CEP192: variants seen among roughly 807,000 people sequenced by gnomAD.
The protein encoded by CEP192 is centrosomal protein 192, also known as centrosomal protein of 192 kDa.
Under a neutral mutation model 271.8 loss-of-function variants are expected in CEP192, and 151 were observed. The ratio of observed to expected loss-of-function variants is 0.56; its 90% CI spans 0.49 to 0.64. CEP192 has a LOEUF of 0.64. Among genes scored for constraint, CEP192 ranks in the 30% least tolerant of loss-of-function variants. The probability of loss-of-function intolerance (pLI) is 0.00; values close to 1 mark genes in which losing one functional copy is unlikely to be tolerated. For missense variants in CEP192, 2,910 were observed against 3,020.5 expected (o/e 0.96, Z 0.86); for synonymous variants, 995 against 1,076.5 (o/e 0.92, Z 1.48).
At chr18:13,085,189 G>A (rs2144669768) in intron 30 of CEP192, among the ~76,000 whole-genome samples, 1 of 151,992 alleles carries the variant, frequency 6.6e-6, no homozygotes, top group East Asian at 1.9e-4. Context: ...CTGCATAAAT[G>A]TCTTCTTTTG....
At chr18:13,103,897 C>T (rs1190192225) in intron 39 of CEP192, 1 of 470,392 alleles carries the variant, frequency 2.1e-6, no homozygotes, top group Admixed American at 2.3e-5. Context: ...ACCACACTGC[C>T]CAGGCTGGTC....
chr18:13,067,441 A>G (rs1161773566), intron 21 of CEP192, among the ~76,000 whole-genome samples: 1 of 152,194 alleles, frequency 6.6e-6, no homozygotes, highest in East Asian at 1.9e-4. Flanking sequence ...TTTTGATACC[A>G]TTTTAACATT....
chr18:13,095,227 C>T (rs576973355), intron 34 of CEP192, among the ~76,000 whole-genome samples: 40 of 152,096 alleles, frequency 2.6e-4, no homozygotes, highest in African/African-American at 9.7e-4. Context: ...TTCTCAAACT[C>T]CTAGCCTTAA....
rs1227202847 is a variant in CEP192 at position 13,057,590 on chromosome 18, G to A, written c.4114G>A (p.Val1372Ile). 29 of 1,613,902 alleles carry A rather than the reference G, an allele frequency of 1.8e-5. No homozygotes were observed. The highest frequency in any genetic ancestry group is 2.4e-5 in the Non-Finnish European group (28 of 1,179,956). Reference protein sequence around the residue: ...DSGVTSGLGSVRVPEELKLPH... With the variant: ...DSGVTSGLGSIRVPEELKLPH... ...TGTGCCTTATTCTCACCCAGGGAGTGTCCGAGTGCCCGAGGAGTTGAAGCT... is the reference window on the plus strand; with the variant it reads ...TGTGCCTTATTCTCACCCAGGGAGTATCCGAGTGCCCGAGGAGTTGAAGCT... Residue 1372 changes from valine (V) to isoleucine (I), a missense_variant, in exon 20 of 45, where the codon GTC becomes ATC. Physicochemically the swap from Val to Ile is conservative, Grantham distance 29 (BLOSUM62 3). Transcript: ENST00000506447.
chr18:13,100,559 G>A (rs750709853), intron 38 of CEP192, 47 bp downstream of exon 38: 1 of 1,392,654 alleles, frequency 7.2e-7, no homozygotes, highest in East Asian at 2.3e-5. Context: ...CTGATATATT[G>A]AGTCTAATGC....
Position 13,015,424 on chromosome 18 carries a change from C to T in CEP192, c.616C>T (p.Pro206Ser). ...ATTAGAAAATGAGAAACTTATCTTA[C>T]CGACAAGCTTGGAAGATTCTTCTGG... ...SLLENEKLIL[P>S]TSLEDSSDDD... Residue 206 changes from proline (P) to serine (S), a missense_variant, in exon 6 of 45, where the codon CCG becomes TCG. Coordinates refer to ENST00000506447, the MANE Select transcript of CEP192 (RefSeq NM_032142.4). 1.3e-6 allele frequency: 2 copies of T among 1,551,340 alleles called. No individual in the cohort carries two copies. The highest frequency in any genetic ancestry group is 2.4e-5 in the East Asian group (1 of 40,908).
At chr18:13,060,342 T>A (rs1053301777) in intron 21 of CEP192, among the ~76,000 whole-genome samples, 1 of 152,150 alleles carries the variant, frequency 6.6e-6, no homozygotes, top group Non-Finnish European at 1.5e-5. Context: ...ATAAAAGATT[T>A]AAAAAATGGT....
chr18:13,042,063 C>T (rs2036237519), intron 14 of CEP192, 141 bp from the exon 15 acceptor site: 1 of 626,592 alleles, frequency 1.6e-6, no homozygotes, highest in African/African-American at 1.9e-5. Context: ...ACGTTTAAAC[C>T]ATTATAGTGA....
At position 13,011,530 on chromosome 18, in the gene CEP192, TG is replaced by T. The variant is rs1483325706; in HGVS notation, c.467-1442del. ...ACAGAAACTTTGTTTTGTTTTGTTT[TG>T]TTTTTTTTTGAGACAGAGTCTTGCT... On this transcript the variant is annotated intron_variant, in intron 4 of 44. Coordinates refer to ENST00000506447, the MANE Select transcript of CEP192 (RefSeq NM_032142.4). Among the ~76,000 whole-genome samples, 35 of 69,084 alleles carry T rather than the reference TG, an allele frequency of 5.1e-4. No individual in the cohort carries two copies. The African/African-American group carries it at 6.3e-3, about 12-fold the overall frequency. The allele number at this position is 69,084 out of a possible 152,430, so 45.3% of individuals were successfully genotyped here. A position where few individuals can be genotyped will look rare whatever the true frequency, so the allele number is the denominator to read the frequency against.
Position 13,056,110 on chromosome 18 carries a change from G to A in CEP192, c.3520G>A (p.Gly1174Ser), listed in dbSNP as rs773649603. The A allele has an allele frequency of 5.6e-6, 9 of 1,613,260 alleles. No individual in the cohort carries two copies. The highest frequency in any genetic ancestry group is 1.7e-4 in the Middle Eastern group (1 of 6,054). The change falls in exon 19 of 45, where the codon GGT becomes AGT. Residue 1174 changes from glycine to serine, a missense_variant. Coordinates refer to ENST00000506447, the MANE Select transcript of CEP192 (RefSeq NM_032142.4). ...CAGGCTGGCTCTCCTGGGCAAGTCAGGTCTGAGCTGTCAGGTGGGGTCAGC... is the reference window on the plus strand; with the variant it reads ...CAGGCTGGCTCTCCTGGGCAAGTCAAGTCTGAGCTGTCAGGTGGGGTCAGC... The part of the protein sequence containing the change: ...PIRLALLGKS[G>S]LSCQVGSATS...
intron 41 of CEP192, 53 bp from the exon 42 acceptor site, chr18:13,114,077 A>G (rs1408519105): frequency 7.7e-6 from 12 of 1,557,692 alleles, no homozygotes; most frequent in Middle Eastern, 1.7e-4. Flanking sequence ...AAATGTCCAT[A>G]TATTTTCTTA....
intron 6 of CEP192, among the ~76,000 whole-genome samples, chr18:13,016,037 C>T (rs1432415040): frequency 6.6e-6 from 1 of 152,144 alleles, no homozygotes; most frequent in Non-Finnish European, 1.5e-5. Flanking sequence ...TGAGCCATCG[C>T]GCCTGGCCAG....
Position 13,085,913 on chromosome 18 carries a change from T to C in CEP192, c.5617-1104T>C, listed in dbSNP as rs552157343. Among the ~76,000 whole-genome samples, 4 of 152,282 alleles carry C rather than the reference T, an allele frequency of 2.6e-5. No individual in the cohort carries two copies. In the South Asian group the frequency reaches 8.3e-4, roughly 32 times the overall value. Reference sequence around the variant, plus strand: ...GTTCCATATGAACTTTAAAGTAGTTTTTTTTTTCTAATTCTGTGAAGAAAG... The same window carrying C: ...GTTCCATATGAACTTTAAAGTAGTTCTTTTTTTCTAATTCTGTGAAGAAAG... On this transcript the variant is annotated intron_variant, in intron 30 of 44. Transcript: ENST00000506447.
At chr18:13,083,116 G>A (rs1290415370) in intron 30 of CEP192, among the ~76,000 whole-genome samples, 1 of 152,112 alleles carries the variant, frequency 6.6e-6, no homozygotes, top group African/African-American at 2.4e-5. Context: ...TGCTCTTCTC[G>A]AGGAGTATCT....
intron 32 of CEP192, 49 bp from the exon 33 acceptor site, chr18:13,089,407 T>TTA (rs2039039897): frequency 2.3e-6 from 2 of 881,972 alleles, no homozygotes; most frequent in African/African-American, 3.4e-5. Flanking sequence ...TAAAGTTATT[T>TTA]TATATATAAC....
chr18:13,012,774 T>A (rs532182067), intron 4 of CEP192, among the ~76,000 whole-genome samples, 199 bp from the exon 5 acceptor site: 2 of 152,348 alleles, frequency 1.3e-5, no homozygotes, highest in South Asian at 4.1e-4. Flanking sequence ...TCAAGTTCTT[T>A]GGTACAATTT....
chr18:13,115,532 A>G (rs2145096851), intron 42 of CEP192, among the ~76,000 whole-genome samples: 1 of 152,122 alleles, frequency 6.6e-6, no homozygotes, highest in African/African-American at 2.4e-5. Flanking sequence ...GTGTAGGACA[A>G]TCCCCTAGCT....
At chr18:13,060,404 G>A (rs889823873) in intron 21 of CEP192, among the ~76,000 whole-genome samples, 3 of 152,204 alleles carry the variant, frequency 2.0e-5, no homozygotes, top group African/African-American at 7.2e-5. Flanking sequence ...CTGTGAGTCA[G>A]TGGTAAAGGC....
chr18:13,049,259 A>G lies in CEP192; in HGVS notation c.2468A>G (p.His823Arg), dbSNP rs2036641272. ...AAAGAACAAACTACTCAAGACATTC[A>G]TCCGGTGGACTTAAGTGCTACTAGT... ...LPKEQTTQDI[H>R]PVDLSATSVS... The change falls in exon 16 of 45, where the codon CAT becomes CGT. Residue 823 changes from histidine to arginine, a missense_variant. Physicochemically the swap from His to Arg is conservative, Grantham distance 29 (BLOSUM62 0). Coordinates refer to ENST00000506447, the MANE Select transcript of CEP192 (RefSeq NM_032142.4). 1 of 1,614,068 alleles carries G rather than the reference A, an allele frequency of 6.2e-7. No individual in the cohort carries two copies. The highest frequency in any genetic ancestry group is 1.7e-5 in the Admixed American group (1 of 60,010).
Sources: allele counts gnomAD v4.1 joint callset (sites outside exome capture counted in the v4.1 genomes callset), GRCh38; gene constraint gnomAD v4.1.1; transcripts MANE v1.5; gene names NCBI Gene and HGNC (gene_info 2026-07-23, HGNC 2026-07-21).